The following NAV2 variants were observed in gnomAD, a reference collection of about 807,000 sequenced individuals.
The protein encoded by NAV2 is neuron navigator 2, also known as helicase, APC down-regulated 1.
In NAV2, 54 loss-of-function variants were observed where a neutral mutation model predicts 223.2. That is an observed-to-expected ratio of 0.24 (90% CI 0.19 to 0.30). The LOEUF is 0.30. Ranked by LOEUF, NAV2 falls within the 10% of genes least tolerant of loss-of-function variation. The probability of loss-of-function intolerance (pLI) is 1.00; values close to 1 mark genes in which losing one functional copy is unlikely to be tolerated. For synonymous variants in NAV2, 1,279 were observed against 1,239.3 expected (o/e 1.03, Z -0.67); for missense variants, 2,806 against 3,147.5 (o/e 0.89, Z 2.60).
rs72927461 is a variant in NAV2 at position 20,107,998 on chromosome 11, G to T, written c.6960+216G>T. ...ATTGTGACCCCAGGCCAGCTGGTTAGCCTTTCTGTGCCTCAGAGCCCTCAT... is the reference window on the plus strand; with the variant it reads ...ATTGTGACCCCAGGCCAGCTGGTTATCCTTTCTGTGCCTCAGAGCCCTCAT... On this transcript the variant is annotated intron_variant, in intron 36 of 37. Transcript: ENST00000349880. Among the ~76,000 whole-genome samples the T allele has an allele frequency of 1.0e-3, 156 of 152,360 alleles. No individual in the cohort carries two copies. The Middle Eastern group carries it at 0.02, about 20-fold the overall frequency.
chr11:19,993,691 G>T (rs1389855038), intron 11 of NAV2, among the ~76,000 whole-genome samples: 1 of 152,188 alleles, frequency 6.6e-6, no homozygotes, highest in Non-Finnish European at 1.5e-5. Flanking sequence ...ATGGCCTCTG[G>T]TAGCTCCTCT....
rs559537255 is a variant in NAV2, at chr11:20,094,396, A to AT, written c.5916+1202dup. Among the ~76,000 whole-genome samples, 217 of 151,716 alleles carry AT rather than the reference A, an allele frequency of 1.4e-3. 1 individual carries two copies. The highest frequency in any genetic ancestry group is 2.1e-3 in the Non-Finnish European group (142 of 67,890). On this transcript the variant is annotated intron_variant, in intron 29 of 37. Coordinates refer to ENST00000349880, the MANE Select transcript of NAV2 (RefSeq NM_145117.5). ...AGGTACCTGCCACCATGCCCGGCTA[A>AT]TTTTTGTATTTTTAGTAGAGATGGG...
chr11:19,450,847 G>T (rs1258116777), intron 1 of NAV2, among the ~76,000 whole-genome samples: 5 of 152,132 alleles, frequency 3.3e-5, no homozygotes, highest in African/African-American at 1.2e-4. Flanking sequence ...ACAGGCTTGT[G>T]CTTGGTGTTT....
At chr11:19,642,936 T>A (rs1033591071) in intron 1 of NAV2, among the ~76,000 whole-genome samples, 1 of 152,116 alleles carries the variant, frequency 6.6e-6, no homozygotes, top group Non-Finnish European at 1.5e-5. Context: ...AGGTGGTAGT[T>A]CTGTTGGAGA....
chr11:19,870,321 G>C (rs1030118550), intron 4 of NAV2, among the ~76,000 whole-genome samples: 1 of 152,176 alleles, frequency 6.6e-6, no homozygotes, highest in Non-Finnish European at 1.5e-5. Context: ...ATTTCCTCCT[G>C]GTAGAGAGTT....
At chr11:20,000,604 G>A (rs1035884465) in intron 11 of NAV2, among the ~76,000 whole-genome samples, 3 of 152,102 alleles carry the variant, frequency 2.0e-5, no homozygotes, top group Admixed American at 6.5e-5. Context: ...TAATGATCTG[G>A]AATAAAGGGG....
intron 17 of NAV2, 32 bp from the exon 18 acceptor site, chr11:20,054,048 A>G (rs1591875489): frequency 6.2e-7 from 1 of 1,607,640 alleles, no homozygotes; most frequent in East Asian, 2.2e-5. Context: ...CATTGTTCAT[A>G]GTTAATTCCG....
At chr11:19,387,741 T>C in intron 1 of NAV2, among the ~76,000 whole-genome samples, 1 of 152,292 alleles carries the variant, frequency 6.6e-6, no homozygotes, top group East Asian at 1.9e-4. Flanking sequence ...CTGTAGTCAT[T>C]TGTTTTCTTT....
chr11:19,631,319 A>G (rs530004116), intron 1 of NAV2, among the ~76,000 whole-genome samples: 20 of 145,226 alleles, frequency 1.4e-4, no homozygotes, highest in Middle Eastern at 3.5e-3. Context: ...ATGTGTTCTC[A>G]TTGTTCAATT....
At chr11:19,701,580 GGTTCGTATTTGAGGCAC>G (rs1280605891) in intron 1 of NAV2, among the ~76,000 whole-genome samples, 1 of 152,146 alleles carries the variant, frequency 6.6e-6, no homozygotes, top group East Asian at 1.9e-4. Context: ...AACTTTGTTT[GGTTCGTATTTGAGGCAC>G]TTCCAGACTG....
chr11:19,919,566 A>G (rs545512987), intron 6 of NAV2, among the ~76,000 whole-genome samples: 132 of 152,328 alleles, frequency 8.7e-4, no homozygotes, highest in African/African-American at 2.3e-3. Flanking sequence ...GGAGCCACGT[A>G]TGAAACTATG....
At chr11:19,827,710 ATTTT>A (rs1400513307) in intron 1 of NAV2, among the ~76,000 whole-genome samples, 1 of 152,072 alleles carries the variant, frequency 6.6e-6, no homozygotes, top group Admixed American at 6.6e-5. Flanking sequence ...TATTTTTATT[ATTTT>A]TTTAATTTTA....
At chr11:19,961,868 A>G (rs920533253) in intron 10 of NAV2, among the ~76,000 whole-genome samples, 2 of 151,974 alleles carry the variant, frequency 1.3e-5, no homozygotes, top group African/African-American at 4.8e-5. Flanking sequence ...CTTATTCTTG[A>G]GCACAGTGAC....
intron 3 of NAV2, 60 bp from the exon 4 acceptor site, chr11:19,868,865 G>A: frequency 6.5e-7 from 1 of 1,541,088 alleles, no homozygotes; most frequent in Non-Finnish European, 8.9e-7. Context: ...TTCCTCATAA[G>A]AGATGGCTCT....
chr11:19,431,864 A>G (rs1330834733), intron 1 of NAV2, among the ~76,000 whole-genome samples: 2 of 152,216 alleles, frequency 1.3e-5, no homozygotes, highest in Non-Finnish European at 2.9e-5. Flanking sequence ...AACACACATC[A>G]CATTTTCCAA....
At chr11:19,582,476 T>A (rs1361697530) in intron 1 of NAV2, among the ~76,000 whole-genome samples, 1 of 152,234 alleles carries the variant, frequency 6.6e-6, no homozygotes, top group Non-Finnish European at 1.5e-5. Flanking sequence ...CTAGGTTTTC[T>A]TCTAGGGTTT....
chr11:19,581,620 G>T (rs986034669), intron 1 of NAV2, among the ~76,000 whole-genome samples: 7 of 152,212 alleles, frequency 4.6e-5, no homozygotes, highest in African/African-American at 1.7e-4. Context: ...GCGGTATTTG[G>T]TTTTTTGTCC....
chr11:19,660,082 G>C (rs1450969964), intron 1 of NAV2, among the ~76,000 whole-genome samples: 1 of 152,128 alleles, frequency 6.6e-6, no homozygotes, highest in South Asian at 2.1e-4. Context: ...CTGGAGAGGA[G>C]TACCCCAGGC....
intron 1 of NAV2, among the ~76,000 whole-genome samples, chr11:19,460,214 G>C (rs907900774): frequency 6.6e-6 from 1 of 152,132 alleles, no homozygotes; most frequent in African/African-American, 2.4e-5. Flanking sequence ...TGTGATCCAG[G>C]GACCTGATTC....
Sources: gnomAD v4.1 joint callset for allele counts (sites outside exome capture counted in the v4.1 genomes callset) on GRCh38, gnomAD v4.1.1 for gene constraint, MANE v1.5 for transcripts, NCBI Gene and HGNC (gene_info 2026-07-23, HGNC 2026-07-21) for gene names.